The following HSD17B7 variants were observed in gnomAD, a reference collection of about 807,000 sequenced individuals.
The protein encoded by HSD17B7 is 3-keto-steroid reductase/17-beta-hydroxysteroid dehydrogenase 7.
A neutral mutation model predicts 34.1 loss-of-function variants in HSD17B7; 17 were observed. The observed-to-expected ratio is 0.50, with a 90% CI of 0.34 to 0.75. The LOEUF (loss-of-function observed/expected upper bound fraction) is 0.75, where lower values mean the gene tolerates loss of function less well. Among genes scored for constraint, HSD17B7 ranks in the 30% least tolerant of loss-of-function variants. The pLI, the probability that HSD17B7 is intolerant of heterozygous loss-of-function variation, is 0.01. For missense variants in HSD17B7, 296 were observed against 406.6 expected, an observed-to-expected ratio of 0.73 and a Z score of 2.34; for synonymous variants, 122 against 154.6, an observed-to-expected ratio of 0.79 and a Z score of 1.56.
In HSD17B7 at chr1:162,793,041, T is replaced by TTTTC; in HGVS notation, c.239+182_239+183insCTTT. Reference sequence around the variant, plus strand: ...TACCACGTTTTCTTTCTTTTTTTTTTTTTTTTTAAAGAGATGGAGTCTTGC... The same window carrying TTTTC: ...TACCACGTTTTCTTTCTTTTTTTTTTTTTCTTTTTTTAAAGAGATGGAGTCTTGC... On this transcript the variant is annotated intron_variant, in intron 2 of 8. Coordinates refer to ENST00000254521, the MANE Select transcript of HSD17B7 (RefSeq NM_016371.4). The TTTTC allele has an allele frequency of 5.7e-6, 3 of 526,018 alleles. No homozygotes were observed. The East Asian group carries it at 1.1e-4, about 20-fold the overall frequency. The allele number at this position is 526,018 out of a possible 1,614,324, so 32.6% of individuals were successfully genotyped here.
At chr1:162,810,442 G>A (rs1295453920) in intron 8 of HSD17B7, among the ~76,000 whole-genome samples, 3 of 152,234 alleles carry the variant, frequency 2.0e-5, no homozygotes, top group African/African-American at 7.2e-5. Flanking sequence ...TTGGGGTGGA[G>A]AGTTCTGTAG....
chr1:162,797,647 A>G (rs539557745), intron 3 of HSD17B7, 155 bp from the exon 4 acceptor site: 15 of 1,220,970 alleles, frequency 1.2e-5, no homozygotes, highest in African/African-American at 4.6e-5. Context: ...ATTTAATACA[A>G]TAACCCAGTC....
At chr1:162,808,058 A>ATAG (rs1479096739) in intron 8 of HSD17B7, among the ~76,000 whole-genome samples, 30 of 152,118 alleles carry the variant, frequency 2.0e-4, no homozygotes, top group Non-Finnish European at 3.7e-4. Flanking sequence ...TATGTCCTGA[A>ATAG]TAGTATTGCC....
chr1:162,808,911 C>A (rs1305264686), intron 8 of HSD17B7, among the ~76,000 whole-genome samples: 1 of 152,180 alleles, frequency 6.6e-6, no homozygotes, highest in African/African-American at 2.4e-5. Context: ...ATGTAATTTG[C>A]AAACAGGGAC....
At chr1:162,802,731 C>T (rs1648852914) in intron 5 of HSD17B7, among the ~76,000 whole-genome samples, 2 of 152,052 alleles carry the variant, frequency 1.3e-5, no homozygotes, top group South Asian at 4.2e-4. Context: ...AAACAAATCC[C>T]AATAAGAGGC....
chr1:162,791,935 A>G (rs1352029990), intron 1 of HSD17B7, among the ~76,000 whole-genome samples: 1 of 152,192 alleles, frequency 6.6e-6, no homozygotes, highest in African/African-American at 2.4e-5. Context: ...CCAGCTTTTC[A>G]TTGCTATCAG....
chr1:162,807,591 C>A (rs1649028398), intron 8 of HSD17B7, among the ~76,000 whole-genome samples: 2 of 152,186 alleles, frequency 1.3e-5, no homozygotes, highest in African/African-American at 4.8e-5. Context: ...GTCCCACCAA[C>A]AGTGTAAAAG....
intron 8 of HSD17B7, among the ~76,000 whole-genome samples, chr1:162,806,575 G>T (rs983469585): frequency 2.0e-5 from 3 of 152,210 alleles, no homozygotes; most frequent in African/African-American, 7.2e-5. Context: ...GTTAAGAAAT[G>T]TGTGTGAAAT....
In HSD17B7 at chr1:162,803,475, T is replaced by C; in HGVS notation, c.687T>C (p.Asn229=). 6.2e-7 allele frequency: 1 copy of C among 1,613,126 alleles called. No individual in the cohort carries two copies. The highest frequency in any genetic ancestry group is 8.5e-7 in the Non-Finnish European group (1 of 1,179,250). ...NVACPGTALT[N]LTYGILPPFI... is the part of the protein sequence containing the mutation. The stretch of plus-strand genomic sequence containing the variant: ...CCTGTCCAGGTACAGCATTGACCAA[T>C]TTGACATATGGAATTCTGCCTCCGT... Residue 229 remains asparagine (N), a synonymous_variant, in exon 6 of 9, where the codon AAT becomes AAC. Coordinates refer to ENST00000254521, the MANE Select transcript of HSD17B7 (RefSeq NM_016371.4).
intron 1 of HSD17B7, among the ~76,000 whole-genome samples, chr1:162,791,655 C>T (rs949322206): frequency 1.4e-5 from 2 of 147,946 alleles, no homozygotes; most frequent in East Asian, 2.0e-4. Flanking sequence ...TTTAGCATAC[C>T]CTCTCAAGTG....
chr1:162,804,230 AAC>A lies in HSD17B7; in HGVS notation c.748-36_748-35del, dbSNP rs1035984501. The stretch of plus-strand genomic sequence containing the variant: ...ATAATTCTTTCGTGACTCTATTCTA[AAC>A]CACCAAAAAATAACAGTTGTTTTCT... On this transcript the variant is annotated intron_variant, in intron 6 of 8. Transcript: ENST00000254521. 8 of 1,559,556 alleles carry A rather than the reference AAC, an allele frequency of 5.1e-6. No homozygotes were observed. In the Admixed American group the frequency reaches 5.2e-5, roughly 10 times the overall value.
rs781473728 is a variant in HSD17B7, at chr1:162,803,551, A to G, written c.747+16A>G. ...AATATTGCTAGTAAGTGATGAATAT[A>G]CTTCTTTTCTTAACTCATAAAAATC... On this transcript the variant is annotated intron_variant, in intron 6 of 8. Coordinates refer to ENST00000254521, the MANE Select transcript of HSD17B7 (RefSeq NM_016371.4). 7 of 1,609,870 alleles carry G rather than the reference A, an allele frequency of 4.3e-6. No homozygotes were observed. Among genetic ancestry groups the G allele is most frequent in the Non-Finnish European group, 5.1e-6 (6 of 1,176,974 alleles).
intron 8 of HSD17B7, among the ~76,000 whole-genome samples, chr1:162,810,151 C>G (rs897426510): frequency 6.6e-6 from 1 of 152,158 alleles, no homozygotes; most frequent in African/African-American, 2.4e-5. Flanking sequence ...TGTGTTGTGT[C>G]TTTGTTCTCA....
intron 3 of HSD17B7, chr1:162,797,106 T>TA (rs1648638103): frequency 5.8e-6 from 1 of 172,716 alleles, no homozygotes; most frequent in Admixed American, 5.6e-5. Flanking sequence ...TCGTTACTCA[T>TA]TAGTGTAGTG....
chr1:162,805,438 C>G lies in HSD17B7; in HGVS notation c.849C>G (p.Ile283Met), dbSNP rs971861472. The G allele has an allele frequency of 1.2e-6, 2 of 1,613,158 alleles. No homozygotes were observed. The highest frequency in any genetic ancestry group is 1.7e-6 in the Non-Finnish European group (2 of 1,179,388). ...HQKPESLNPL[I>M]KYLSATTGFG... The stretch of plus-strand genomic sequence containing the variant: ...AGCCTGAATCTCTCAATCCTCTGAT[C>G]AAATATCTGAGTGCCACCACTGGCT... The change falls in exon 8 of 9, where the codon ATC (isoleucine) becomes ATG (methionine). Residue 283 changes from isoleucine to methionine, a missense_variant. Coordinates refer to ENST00000254521, the MANE Select transcript of HSD17B7 (RefSeq NM_016371.4).
intron 5 of HSD17B7, among the ~76,000 whole-genome samples, chr1:162,802,679 A>G (rs1470205365): frequency 6.6e-6 from 1 of 152,212 alleles, no homozygotes; most frequent in Admixed American, 6.5e-5. Context: ...ATATCAAAAT[A>G]AAGTAAAATG....
intron 8 of HSD17B7, among the ~76,000 whole-genome samples, chr1:162,810,753 A>C (rs1431293385): frequency 2.0e-5 from 3 of 152,138 alleles, no homozygotes; most frequent in Non-Finnish European, 4.4e-5. Flanking sequence ...CTGTTTTATC[A>C]GAGACTAGGA....
intron 3 of HSD17B7, 37 bp from the exon 4 acceptor site, chr1:162,797,765 C>G (rs984588900): frequency 1.3e-5 from 20 of 1,592,064 alleles, no homozygotes; most frequent in Non-Finnish European, 1.7e-5. Flanking sequence ...GTTAAAGAAG[C>G]TTTAAAAAGT....
intron 4 of HSD17B7, 124 bp from the exon 5 acceptor site, chr1:162,799,619 T>C (rs1464487285): frequency 1.6e-6 from 1 of 623,850 alleles, no homozygotes; most frequent in Non-Finnish European, 2.9e-6. Flanking sequence ...CATGTCTCTT[T>C]TAGATAACTA....
Sources: allele counts gnomAD v4.1 joint callset (sites outside exome capture counted in the v4.1 genomes callset), GRCh38; gene constraint gnomAD v4.1.1; transcripts MANE v1.5; gene names NCBI Gene and HGNC (gene_info 2026-07-23, HGNC 2026-07-21).